Variants in SPON2 observed in about 807,000 individuals in gnomAD.
SPON2 encodes spondin-2.
A neutral mutation model predicts 29.9 loss-of-function variants in SPON2; 32 were observed. The observed-to-expected ratio is 1.07, with a 90% CI of 0.81 to 1.44. The LOEUF (loss-of-function observed/expected upper bound fraction) is 1.44, where lower values mean the gene tolerates loss of function less well. Ranked by LOEUF, SPON2 falls within the 40% of genes most tolerant of loss-of-function variation. The pLI, the probability that SPON2 is intolerant of heterozygous loss-of-function variation, is 0.00. For synonymous variants in SPON2, 248 were observed against 209.1 expected (o/e 1.19, Z -1.61); for missense variants, 541 against 455.5 (o/e 1.19, Z -1.71).
chr4:1,174,086 A>G (rs1727539430), upstream of SPON2, among the ~76,000 whole-genome samples: 1 of 152,170 alleles, frequency 6.6e-6, no homozygotes, highest in African/African-American at 2.4e-5. Flanking sequence ...TGTGGTCTCA[A>G]CTAGTCAGGA....
intron 1 of SPON2, among the ~76,000 whole-genome samples, chr4:1,207,091 G>A (rs1728360883): frequency 6.6e-6 from 1 of 152,058 alleles, no homozygotes; most frequent in Non-Finnish European, 1.5e-5. Context: ...CAGGTGCAGG[G>A]CAGTGCCCGG....
At chr4:1,176,464 A>G (rs1727596893), upstream of SPON2, among the ~76,000 whole-genome samples, 1 of 152,172 alleles carries the variant, frequency 6.6e-6, no homozygotes, top group South Asian at 2.1e-4. Context: ...CTCACACAGT[A>G]CATTCATTCA....
At chr4:1,180,366 A>G (rs763986040) in intron 1 of SPON2, among the ~76,000 whole-genome samples, 8 of 152,208 alleles carry the variant, frequency 5.3e-5, no homozygotes, top group Non-Finnish European at 1.0e-4. Flanking sequence ...AATTCAGAAA[A>G]GTTAATAATA....
At chr4:1,200,897 C>T (rs1728184685) in intron 1 of SPON2, 1 of 456,698 alleles carries the variant, frequency 2.2e-6, no homozygotes, top group Middle Eastern at 3.3e-4. Context: ...TGACTGAGCA[C>T]CACGTGGTGC....
intron 2 of SPON2, 100 bp downstream of exon 2, chr4:1,171,752 C>T: frequency 1.1e-6 from 1 of 904,458 alleles, no homozygotes; most frequent in South Asian, 1.4e-5. Flanking sequence ...CCGACGTCAG[C>T]ACGCCCCAGA....
chr4:1,191,295 A>C (rs978463198), intron 1 of SPON2, among the ~76,000 whole-genome samples: 1 of 152,188 alleles, frequency 6.6e-6, no homozygotes, highest in Non-Finnish European at 1.5e-5. Flanking sequence ...TTGAAAGTCC[A>C]AAAATAAACC....
chr4:1,183,256 C>A lies in SPON2; in HGVS notation c.-238-3715G>T, dbSNP rs199934265. Among the ~76,000 whole-genome samples the A allele has an allele frequency of 4.3e-3, 514 of 118,578 alleles. 4 individuals carry two copies. Among genetic ancestry groups the A allele is most frequent in the Middle Eastern group, 0.031 (7 of 228 alleles). The allele number at this position is 118,578 out of a possible 152,430, so 77.8% of individuals were successfully genotyped here. A position where few individuals can be genotyped will look rare whatever the true frequency, so the allele number is the denominator to read the frequency against. On this transcript the variant is annotated intron_variant, in intron 1 of 3. Coordinates refer to the SPON2 transcript ENST00000502483. ...AAACTCCATCAAAAAAAAAAAAAAA[C>A]AAAAAAGAAAGAGAGAGAAAATAAA...
At chr4:1,195,045 G>A (rs573786250) in exon 1 of SPON2, 6 of 22,690 alleles carry the variant, frequency 2.6e-4, no homozygotes, top group Admixed American at 5.3e-4. Context: ...GCAGCCGGCG[G>A]CTCCAACCCC....
intron 2 of SPON2, among the ~76,000 whole-genome samples, chr4:1,178,901 C>T (rs983029146): frequency 1.3e-5 from 2 of 152,154 alleles, no homozygotes; most frequent in African/African-American, 4.8e-5. Flanking sequence ...GAACCCGCCA[C>T]CCCAGCAGCA....
rs1470386584 is a variant in SPON2 at position 1,200,821 on chromosome 4, G to A, written c.-234+7059C>T. 3 of 456,694 alleles carry A rather than the reference G, an allele frequency of 6.6e-6. No homozygotes were observed. In the East Asian group the frequency reaches 2.1e-4, roughly 32 times the overall value. 28.3% of individuals were successfully genotyped at this position (456,694 alleles called of 1,614,324 possible). A position where few individuals can be genotyped will look rare whatever the true frequency, so the allele number is the denominator to read the frequency against. On this transcript the variant is annotated intron_variant, in intron 1 of 3. Coordinates refer to the SPON2 transcript ENST00000509233. Reference sequence around the variant, plus strand: ...GCTGTGAGCAAGTGGAGAAAGCCCAGCTCCTGGAGGTGGGGCCAAGTCTGC... The same window carrying A: ...GCTGTGAGCAAGTGGAGAAAGCCCAACTCCTGGAGGTGGGGCCAAGTCTGC...
chr4:1,197,578 T>C (rs962629479), upstream of SPON2, among the ~76,000 whole-genome samples: 1 of 152,154 alleles, frequency 6.6e-6, no homozygotes, highest in African/African-American at 2.4e-5. Context: ...AGGGACTTTG[T>C]GCCACCCTAA....
At chr4:1,167,688 C>A in intron 5 of SPON2, 32 bp from the exon 6 acceptor site, 1 of 1,551,878 alleles carries the variant, frequency 6.4e-7, no homozygotes, top group Non-Finnish European at 8.7e-7. Flanking sequence ...CCGAGGTGAA[C>A]GCTCGCGTGA....
upstream of SPON2, among the ~76,000 whole-genome samples, chr4:1,195,543 G>C (rs929370090): frequency 2.6e-5 from 4 of 152,066 alleles, no homozygotes; most frequent in Admixed American, 6.5e-5. Flanking sequence ...GCTGCATCCC[G>C]GGCACCACAT....
rs1415644457 is a variant in SPON2 at position 1,171,057 on chromosome 4, C to T, written c.578G>A (p.Ser193Asn). The change falls in exon 4 of 6, where the codon AGC (serine) becomes AAC (asparagine). Residue 193 changes from serine to asparagine, a missense_variant. Transcript: ENST00000290902. ...DLYPYDAGTD[S>N]GFTFSSPNFA... is the part of the protein sequence containing the mutation. ...GTTGGGGGAGGAGAAGGTGAAGCCGCTGTCCGTCCCGGCGTCGTAGGGGTA... is the reference window on the plus strand; with the variant it reads ...GTTGGGGGAGGAGAAGGTGAAGCCGTTGTCCGTCCCGGCGTCGTAGGGGTA... 3 of 1,549,002 alleles carry T rather than the reference C, an allele frequency of 1.9e-6. No individual in the cohort carries two copies. The South Asian group carries it at 3.6e-5, about 18-fold the overall frequency.
intron 1 of SPON2, among the ~76,000 whole-genome samples, chr4:1,186,944 C>A (rs932549227): frequency 6.6e-6 from 1 of 152,188 alleles, no homozygotes; most frequent in Non-Finnish European, 1.5e-5. Context: ...TAAAATGACA[C>A]AGTTCCTATG....
Position 1,167,157 on chromosome 4 carries a change from A to C in SPON2, c.*315T>G, listed in dbSNP as rs940270208. On this transcript the variant is annotated 3_prime_UTR_variant, in exon 6 of 6. Coordinates refer to ENST00000290902, the MANE Select transcript of SPON2 (RefSeq NM_012445.4). ...ATGAAGGACAATCTCCTGGAGCAGC[A>C]ATAACTTATAAGGAGACATAATTTA... 1 of 288,074 alleles carries C rather than the reference A, an allele frequency of 3.5e-6. No individual in the cohort carries two copies. The highest frequency in any genetic ancestry group is 6.5e-6 in the Non-Finnish European group (1 of 153,750). The allele number at this position is 288,074 out of a possible 1,614,324, so 17.8% of individuals were successfully genotyped here.
intron 1 of SPON2, chr4:1,201,201 A>G (rs1231319217): frequency 2.3e-6 from 1 of 441,638 alleles, no homozygotes; most frequent in Admixed American, 2.4e-5. Context: ...CCCCCGCAGT[A>G]TGTGGGCAGT....
At chr4:1,198,161 G>A (rs991407879), upstream of SPON2, among the ~76,000 whole-genome samples, 2 of 152,198 alleles carry the variant, frequency 1.3e-5, no homozygotes, top group African/African-American at 4.8e-5. Context: ...GTATGGAAGA[G>A]GCTGGAGGAA....
At chr4:1,171,706 G>T in intron 2 of SPON2, 146 bp downstream of exon 2, 1 of 783,102 alleles carries the variant, frequency 1.3e-6, no homozygotes, top group Non-Finnish European at 2.1e-6. Flanking sequence ...ACCGCACACC[G>T]CAGGCGCTCG....
Sources: allele counts gnomAD v4.1 joint callset (sites outside exome capture counted in the v4.1 genomes callset), GRCh38; gene constraint gnomAD v4.1.1; transcripts MANE v1.5; gene names NCBI Gene and HGNC (gene_info 2026-07-23, HGNC 2026-07-21).